Variants in UNC13C observed in about 807,000 individuals in gnomAD.
UNC13C encodes unc-13 homolog C.
UNC13C carries 174 observed loss-of-function variants against 245.4 expected under a neutral mutation model. The observed-to-expected ratio is 0.71, with a 90% confidence interval of 0.63 to 0.80. The LOEUF is 0.80. Among genes scored for constraint, UNC13C ranks in the 30% least tolerant of loss-of-function variants. The probability of loss-of-function intolerance (pLI) is 0.00; values close to 1 mark genes in which losing one functional copy is unlikely to be tolerated. For missense variants in UNC13C, 2,829 were observed against 2,602.9 expected (o/e 1.09, Z -1.89); for synonymous variants, 992 against 895.1 (o/e 1.11, Z -1.93).
chr15:54,188,215 A>G (rs2034062610), intron 4 of UNC13C, among the ~76,000 whole-genome samples: 1 of 152,120 alleles, frequency 6.6e-6, no homozygotes, highest in Middle Eastern at 3.2e-3. Flanking sequence ...ATATTCTTAC[A>G]TTATTTAAAC....
chr15:54,187,394 C>G (rs535309389), intron 4 of UNC13C, among the ~76,000 whole-genome samples: 83 of 152,224 alleles, frequency 5.5e-4, no homozygotes, highest in African/African-American at 1.9e-3. Context: ...TCTTTAATAA[C>G]TTTCCATTGC....
chr15:53,987,094 T>A (rs569592375), intron 1 of UNC13C, among the ~76,000 whole-genome samples: 1 of 152,172 alleles, frequency 6.6e-6, no homozygotes, highest in East Asian at 1.9e-4. Flanking sequence ...TTCTTAAGAT[T>A]TCTCTTTAGT....
intron 7 of UNC13C, among the ~76,000 whole-genome samples, chr15:54,242,654 T>A (rs1280427596): frequency 3.9e-5 from 6 of 152,148 alleles, no homozygotes; most frequent in Non-Finnish European, 8.8e-5. Flanking sequence ...TGAAACTACT[T>A]TTCTAAGTTA....
At chr15:53,858,520 A>C in the UNC13C span, among the ~76,000 whole-genome samples, 2 of 151,578 alleles carry the variant, frequency 1.3e-5, no homozygotes, top group Non-Finnish European at 2.9e-5. Context: ...TACCGGGTTC[A>C]AGTTATTCTC....
chr15:54,375,836 C>T (rs920708513), intron 17 of UNC13C, among the ~76,000 whole-genome samples: 1 of 152,166 alleles, frequency 6.6e-6, no homozygotes, highest in Non-Finnish European at 1.5e-5. Flanking sequence ...GAAGACCCAG[C>T]GGAGCTGTGC....
chr15:54,494,779 A>T (rs778230727), intron 20 of UNC13C, 45 bp downstream of exon 20: 8 of 1,593,640 alleles, frequency 5.0e-6, no homozygotes, highest in Non-Finnish European at 6.0e-6. Context: ...CTAAATTCAC[A>T]TTCCTGTAAA....
chr15:54,154,516 A>G (rs1397626976), intron 4 of UNC13C, among the ~76,000 whole-genome samples: 1 of 152,234 alleles, frequency 6.6e-6, no homozygotes, highest in African/African-American at 2.4e-5. Flanking sequence ...ATTAACCAAG[A>G]TAACCTAGGT....
intron 30 of UNC13C, among the ~76,000 whole-genome samples, chr15:54,592,446 A>G (rs937806037): frequency 6.6e-6 from 1 of 152,142 alleles, no homozygotes; most frequent in African/African-American, 2.4e-5. Flanking sequence ...TCCTAGGTCA[A>G]TTAGTAATTG....
chr15:54,094,196 G>C (rs1899726794), intron 2 of UNC13C, among the ~76,000 whole-genome samples: 1 of 152,136 alleles, frequency 6.6e-6, no homozygotes, highest in Admixed American at 6.5e-5. Context: ...GAATTGCACT[G>C]CTGTCTGAGA....
chr15:53,952,513 A>AC, the UNC13C span, among the ~76,000 whole-genome samples: 2 of 152,186 alleles, frequency 1.3e-5, no homozygotes, highest in African/African-American at 2.4e-5. Context: ...CAACTTTTGT[A>AC]CCCAAATAGT....
At chr15:54,187,006 G>A (rs1331862007) in intron 4 of UNC13C, among the ~76,000 whole-genome samples, 2 of 151,598 alleles carry the variant, frequency 1.3e-5, no homozygotes, top group East Asian at 3.9e-4. Context: ...ATGTCACCAT[G>A]CCTGGCTAAT....
intron 2 of UNC13C, among the ~76,000 whole-genome samples, chr15:54,130,040 T>C (rs565236809): frequency 2.0e-5 from 3 of 151,704 alleles, no homozygotes; most frequent in Admixed American, 1.3e-4. Flanking sequence ...CACAAATATA[T>C]GTATGCATGT....
chr15:53,976,401 G>C (rs1295670706), upstream of UNC13C, among the ~76,000 whole-genome samples: 1 of 148,460 alleles, frequency 6.7e-6, no homozygotes, highest in Non-Finnish European at 1.5e-5. Flanking sequence ...ATTTGAATTA[G>C]AGCAATATTT....
chr15:54,445,714 T>C (rs1890774629), intron 19 of UNC13C, among the ~76,000 whole-genome samples: 1 of 152,204 alleles, frequency 6.6e-6, no homozygotes, highest in African/African-American at 2.4e-5. Context: ...ATGAGTAGAT[T>C]GCAAAAATTT....
chr15:53,969,684 CAA>C, the UNC13C span, among the ~76,000 whole-genome samples: 290 of 95,858 alleles, frequency 3.0e-3, no homozygotes, highest in East Asian at 0.019. Flanking sequence ...GGTGCTGTCT[CAA>C]AAAAAAAAAA....
chr15:54,168,512 G>A (rs11855478), intron 4 of UNC13C, among the ~76,000 whole-genome samples: 66,997 of 151,898 alleles, frequency 0.44, 15,126 homozygotes, highest in East Asian at 0.58. Flanking sequence ...AGAGTTTTCA[G>A]CGTTCAACTT....
intron 19 of UNC13C, among the ~76,000 whole-genome samples, chr15:54,455,583 G>A (rs1325404761): frequency 6.7e-6 from 1 of 148,638 alleles, no homozygotes; most frequent in Non-Finnish European, 1.5e-5. Context: ...ACTGCACTGT[G>A]GTTTTGATTT....
intron 26 of UNC13C, among the ~76,000 whole-genome samples, chr15:54,536,438 A>G (rs1386949253): frequency 6.6e-6 from 1 of 152,108 alleles, no homozygotes; most frequent in Non-Finnish European, 1.5e-5. Context: ...TATTGAAACT[A>G]TTCCAAAAAT....
At chr15:54,566,652 C>G (rs1897529455) in intron 29 of UNC13C, among the ~76,000 whole-genome samples, 1 of 152,014 alleles carries the variant, frequency 6.6e-6, no homozygotes, top group South Asian at 2.1e-4. Context: ...CCCTGAATCT[C>G]CTCTACAGTA....
Sources: gnomAD v4.1 joint callset for allele counts (sites outside exome capture counted in the v4.1 genomes callset) on GRCh38, gnomAD v4.1.1 for gene constraint, MANE v1.5 for transcripts, NCBI Gene and HGNC (gene_info 2026-07-23, HGNC 2026-07-21) for gene names.